The following LIPA variants were observed in gnomAD, a reference collection of about 807,000 sequenced individuals.
LIPA encodes the protein lysosomal acid lipase/cholesteryl ester hydrolase.
Under a neutral mutation model 40.6 loss-of-function variants are expected in LIPA, and 26 were observed. The ratio of observed to expected loss-of-function variants is 0.64; its 90% confidence interval spans 0.47 to 0.89. The LOEUF is 0.89. LIPA is among the 40% of genes least tolerant of loss of function. The pLI is 0.00. For missense variants in LIPA, 455 were observed against 479.6 expected, an observed-to-expected ratio of 0.95 and a Z score of 0.48; for synonymous variants, 188 against 168.4, an observed-to-expected ratio of 1.12 and a Z score of -0.90.
intron 1 of LIPA, among the ~76,000 whole-genome samples, chr10:89,334,649 C>A (rs534866365): frequency 6.6e-6 from 1 of 151,710 alleles, no homozygotes; most frequent in Admixed American, 6.6e-5. Context: ...CCTGCCACCA[C>A]GCCCGGCTAA....
At chr10:89,298,288 C>A (rs540888750) in intron 1 of LIPA, among the ~76,000 whole-genome samples, 1 of 152,350 alleles carries the variant, frequency 6.6e-6, no homozygotes, top group East Asian at 1.9e-4. Context: ...ACATCCTCAA[C>A]CCACTGCTGC....
chr10:89,317,199 G>C (rs1303270332), intron 1 of LIPA, among the ~76,000 whole-genome samples: 3 of 152,250 alleles, frequency 2.0e-5, no homozygotes, highest in Admixed American at 6.5e-5. Flanking sequence ...ATGGAACAAA[G>C]CTGGACGGAG....
chr10:89,290,002 G>T (rs4933502), intron 1 of LIPA, among the ~76,000 whole-genome samples: 7,717 of 72,554 alleles, frequency 0.11, 276 homozygotes, highest in East Asian at 0.43. Context: ...AAAAAAGGGT[G>T]GGGGGGACTC....
intron 2 of LIPA, chr10:89,383,379 A>C (rs544909773): frequency 6.2e-7 from 1 of 1,614,224 alleles, no homozygotes; most frequent in African/African-American, 1.3e-5. Context: ...GTCACTTTAC[A>C]TGGAAGTTGT....
At chr10:89,356,636 C>A (rs144280189) in intron 2 of LIPA, among the ~76,000 whole-genome samples, 1 of 152,138 alleles carries the variant, frequency 6.6e-6, no homozygotes, top group African/African-American at 2.4e-5. Context: ...CAGATGGGAC[C>A]GTCTAGTTGC....
chr10:89,382,069 C>A (rs967102621), intron 2 of LIPA, among the ~76,000 whole-genome samples: 11 of 152,046 alleles, frequency 7.2e-5, no homozygotes, highest in African/African-American at 2.2e-4. Context: ...CACACCTGGC[C>A]GTGAACTTTT....
chr10:89,313,905 T>C (rs1666251410), intron 1 of LIPA, among the ~76,000 whole-genome samples: 2 of 152,222 alleles, frequency 1.3e-5, no homozygotes, highest in South Asian at 4.1e-4. Flanking sequence ...CGATGGGAGA[T>C]GACAGCTTGA....
chr10:89,218,492 A>C (rs1842656195), intron 8 of LIPA, among the ~76,000 whole-genome samples: 1 of 152,224 alleles, frequency 6.6e-6, no homozygotes, highest in Non-Finnish European at 1.5e-5. Flanking sequence ...CAGTAACAGA[A>C]TCCCTAAAGC....
intron 2 of LIPA, among the ~76,000 whole-genome samples, chr10:89,377,615 C>T (rs545697685): frequency 4.6e-5 from 7 of 152,332 alleles, no homozygotes; most frequent in Non-Finnish European, 1.0e-4. Context: ...CACAAATTGA[C>T]AATGACTTTC....
chr10:89,306,305 G>A (rs762208253), intron 1 of LIPA: 12 of 1,614,014 alleles, frequency 7.4e-6, no homozygotes, highest in Non-Finnish European at 1.0e-5. Context: ...TCAGATTTAT[G>A]TAGACAAGGT....
chr10:89,285,899 C>T (rs1843339037), intron 1 of LIPA, among the ~76,000 whole-genome samples: 1 of 152,016 alleles, frequency 6.6e-6, no homozygotes, highest in Non-Finnish European at 1.5e-5. Flanking sequence ...GACTTGCCTC[C>T]TTCACTATAG....
At chr10:89,231,968 T>C (rs997698095) in intron 3 of LIPA, among the ~76,000 whole-genome samples, 2 of 152,168 alleles carry the variant, frequency 1.3e-5, no homozygotes, top group African/African-American at 4.8e-5. Context: ...GTGGAAGGCA[T>C]TGTGGTAGAT....
rs113472557 is a variant in LIPA, at chr10:89,384,025, A to G, written c.61+28766T>C. Reference sequence around the variant, plus strand: ...TGAAGGACAGGAAGCTGAAGGAGAAAAGTACATTGAAGAAGCTCTGACCAG... The same window carrying G: ...TGAAGGACAGGAAGCTGAAGGAGAAGAGTACATTGAAGAAGCTCTGACCAG... On this transcript the variant is annotated intron_variant, in intron 2 of 8. Coordinates refer to the LIPA transcript ENST00000371837. 22 of 1,614,218 alleles carry G rather than the reference A, an allele frequency of 1.4e-5. No homozygotes were observed. In the African/African-American group the frequency reaches 1.9e-4, roughly 14 times the overall value.
intron 1 of LIPA, chr10:89,309,346 A>C (rs1046399726): frequency 2.0e-5 from 3 of 152,240 alleles, no homozygotes; most frequent in Admixed American, 2.0e-4. Flanking sequence ...ATAGGAAGAG[A>C]CAAGAAGGCC....
At chr10:89,402,768 GA>G (rs1369905438) in intron 2 of LIPA, 1 of 1,614,246 alleles carries the variant, frequency 6.2e-7, no homozygotes, top group Non-Finnish European at 8.5e-7. Flanking sequence ...GGCCTGCTTT[GA>G]AAAGGTGCTT....
chr10:89,269,670 C>A (rs986892676), intron 1 of LIPA, among the ~76,000 whole-genome samples: 1 of 152,116 alleles, frequency 6.6e-6, no homozygotes, highest in Non-Finnish European at 1.5e-5. Context: ...TAAAGCGATG[C>A]GTTGGCAATA....
Position 89,271,428 on chromosome 10 carries a change from A to G in LIPA, c.-1-23779T>C, listed in dbSNP as rs535196392. Among the ~76,000 whole-genome samples the G allele has an allele frequency of 4.6e-5, 7 of 152,304 alleles. No individual in the cohort carries two copies. In the South Asian group the frequency reaches 1.4e-3, roughly 32 times the overall value. ...TAACCTGGAAAGTAAAACTGTCCCC[A>G]GCCACTTTGTACTCCTTATGCTAAT... is the stretch of plus-strand genomic sequence containing the variant. On this transcript the variant is annotated intron_variant, in intron 1 of 5. Coordinates refer to the LIPA transcript ENST00000282673.
intron 3 of LIPA, among the ~76,000 whole-genome samples, chr10:89,236,320 C>T (rs532728832): frequency 7.9e-5 from 12 of 152,210 alleles, no homozygotes; most frequent in East Asian, 7.7e-4. Context: ...ATTTTGTAGC[C>T]GCCTCCTGTT....
chr10:89,237,459 A>T (rs923311011), intron 3 of LIPA, among the ~76,000 whole-genome samples: 33 of 147,762 alleles, frequency 2.2e-4, no homozygotes, highest in Admixed American at 4.6e-4. Flanking sequence ...CTAACAAAAA[A>T]AAATATATAT....
Sources: allele counts gnomAD v4.1 joint callset (sites outside exome capture counted in the v4.1 genomes callset), GRCh38; gene constraint gnomAD v4.1.1; transcripts MANE v1.5; gene names NCBI Gene and HGNC (gene_info 2026-07-23, HGNC 2026-07-21).